Variants in NECTIN3 observed in about 807,000 individuals in gnomAD.
The protein encoded by NECTIN3 is nectin-3.
NECTIN3 carries 8 observed loss-of-function variants against 49.4 expected under a neutral mutation model. The observed-to-expected ratio is 0.16, with a 90% CI of 0.10 to 0.29. The LOEUF (loss-of-function observed/expected upper bound fraction) is 0.29, where lower values mean the gene tolerates loss of function less well. Ranked by LOEUF, NECTIN3 falls within the 10% of genes least tolerant of loss-of-function variation. NECTIN3 has a pLI of 1.00. For synonymous variants in NECTIN3, 277 were observed against 241.1 expected (o/e 1.15, Z -1.38); for missense variants, 581 against 654.6 (o/e 0.89, Z 1.23).
At chr3:111,083,939 C>T (rs1329742500) in intron 1 of NECTIN3, among the ~76,000 whole-genome samples, 1 of 152,098 alleles carries the variant, frequency 6.6e-6, no homozygotes, top group Non-Finnish European at 1.5e-5. Context: ...ATATATTGTC[C>T]ACAAGTGTCC....
intron 3 of NECTIN3, among the ~76,000 whole-genome samples, chr3:111,121,076 C>G (rs1441467596): frequency 6.8e-6 from 1 of 147,886 alleles, no homozygotes; most frequent in Non-Finnish European, 1.5e-5. Flanking sequence ...GAACTAGGCT[C>G]ACTGCAAGCT....
At chr3:111,128,138 G>C (rs1269427430) in intron 5 of NECTIN3, among the ~76,000 whole-genome samples, 1 of 151,966 alleles carries the variant, frequency 6.6e-6, no homozygotes, top group Non-Finnish European at 1.5e-5. Context: ...AGGAGCTTGA[G>C]ATCAGCCTGG....
At chr3:111,083,688 C>T (rs903602992) in intron 1 of NECTIN3, among the ~76,000 whole-genome samples, 60 of 152,062 alleles carry the variant, frequency 3.9e-4, no homozygotes, top group Non-Finnish European at 6.5e-4. Flanking sequence ...GAAACTTGAC[C>T]CCGTGGTTAA....
At chr3:111,141,043 C>T (rs2034732482), downstream of NECTIN3, among the ~76,000 whole-genome samples, 1 of 151,884 alleles carries the variant, frequency 6.6e-6, no homozygotes, top group South Asian at 2.1e-4. Flanking sequence ...GCACTTAGCA[C>T]AAGGCCTGAC....
chr3:111,100,748 A>G (rs1249766281), intron 1 of NECTIN3, among the ~76,000 whole-genome samples: 1 of 152,060 alleles, frequency 6.6e-6, no homozygotes, highest in African/African-American at 2.4e-5. Flanking sequence ...TTTTAAAAAT[A>G]ATTCATTAGT....
At chr3:111,090,929 A>AGTGT (rs112171056) in intron 1 of NECTIN3, among the ~76,000 whole-genome samples, 4 of 140,134 alleles carry the variant, frequency 2.9e-5, no homozygotes, top group African/African-American at 7.9e-5. Flanking sequence ...CATTAGTGCT[A>AGTGT]GTGTGTGTGT....
At chr3:111,126,826 C>G (rs2034180784) in intron 5 of NECTIN3, among the ~76,000 whole-genome samples, 1 of 152,092 alleles carries the variant, frequency 6.6e-6, no homozygotes, top group African/African-American at 2.4e-5. Flanking sequence ...AATAGGAATG[C>G]TACTGAAAAT....
chr3:111,174,815 C>T (rs2035496822), intron 7 of NECTIN3, among the ~76,000 whole-genome samples: 1 of 152,120 alleles, frequency 6.6e-6, no homozygotes, highest in Non-Finnish European at 1.5e-5. Context: ...GCCCTGCTGT[C>T]TGTAGACGGC....
At chr3:111,109,535 G>A (rs77152658) in intron 1 of NECTIN3, among the ~76,000 whole-genome samples, 4,043 of 151,416 alleles carry the variant, frequency 0.027, 127 homozygotes, top group African/African-American at 0.078. Context: ...TTTTCTTTCA[G>A]TGTTTAGTAT....
At chr3:111,115,895 G>A (rs1287689630) in intron 2 of NECTIN3, among the ~76,000 whole-genome samples, 1 of 152,136 alleles carries the variant, frequency 6.6e-6, no homozygotes, top group East Asian at 1.9e-4. Context: ...TTGAAAGTTT[G>A]TGATTAAATT....
chr3:111,170,482 C>T (rs749236270), intron 7 of NECTIN3, among the ~76,000 whole-genome samples: 3 of 152,108 alleles, frequency 2.0e-5, no homozygotes, highest in Non-Finnish European at 2.9e-5. Context: ...TATTAAAGCA[C>T]AGTGAGGCAA....
intron 7 of NECTIN3, among the ~76,000 whole-genome samples, chr3:111,163,036 G>T (rs986345455): frequency 6.6e-6 from 1 of 152,106 alleles, no homozygotes; most frequent in African/African-American, 2.4e-5. Context: ...GAGAAGCCCT[G>T]GGCAGCTTAG....
At chr3:111,162,984 A>G (rs1324636593) in intron 7 of NECTIN3, among the ~76,000 whole-genome samples, 4 of 152,254 alleles carry the variant, frequency 2.6e-5, no homozygotes, top group South Asian at 2.1e-4. Flanking sequence ...CAGCCATTCT[A>G]TTACTCTCTC....
intron 1 of NECTIN3, among the ~76,000 whole-genome samples, chr3:111,100,265 T>C (rs764111810): frequency 1.3e-5 from 2 of 152,132 alleles, no homozygotes; most frequent in Non-Finnish European, 2.9e-5. Context: ...GATTTTTGTC[T>C]TTAAAGCGCC....
intron 7 of NECTIN3, among the ~76,000 whole-genome samples, chr3:111,159,727 AC>A (rs2035171778): frequency 6.6e-6 from 1 of 152,156 alleles, no homozygotes; most frequent in Non-Finnish European, 1.5e-5. Flanking sequence ...CAATTTTACT[AC>A]CTCACAAGAC....
rs111728131 is a variant in NECTIN3 at position 111,184,630 on chromosome 3, A to G, written c.1222-7721A>G. On this transcript the variant is annotated intron_variant, in intron 7 of 8. Coordinates refer to the NECTIN3 transcript ENST00000493615. ...ATAGCAACACAAAACAGACTAAGAC[A>G]TGTTATTTCTGGTTTAGTTTCTATA... Among the ~76,000 whole-genome samples, 671 of 152,232 alleles carry G rather than the reference A, an allele frequency of 4.4e-3. 7 individuals carry two copies. The highest frequency in any genetic ancestry group is 0.015 in the African/African-American group (631 of 41,536).
At position 111,149,718 on chromosome 3, in the gene NECTIN3, T is replaced by A. The variant is rs9288920; in HGVS notation, c.1221+2234T>A. Among the ~76,000 whole-genome samples, 140 of 151,998 alleles carry A rather than the reference T, an allele frequency of 9.2e-4. 1 individual carries two copies. The highest frequency in any genetic ancestry group is 3.0e-3 in the African/African-American group (125 of 41,472). ...ATTCTAATGCTTTCTCATTTTATTT[T>A]TTTTTTTACATTTCTTAGGAATATA... On this transcript the variant is annotated intron_variant, in intron 7 of 8. Coordinates refer to the NECTIN3 transcript ENST00000493615.
chr3:111,119,452 C>T (rs1481262314), intron 3 of NECTIN3, among the ~76,000 whole-genome samples: 1 of 152,192 alleles, frequency 6.6e-6, no homozygotes, highest in Non-Finnish European at 1.5e-5. Flanking sequence ...CTGCCTCAGC[C>T]TCCCAAGTAG....
At chr3:111,119,417 C>T (rs540848365) in intron 3 of NECTIN3, among the ~76,000 whole-genome samples, 3 of 152,260 alleles carry the variant, frequency 2.0e-5, no homozygotes, top group Admixed American at 6.5e-5. Flanking sequence ...CTGCAACTTC[C>T]GCCTCCCGGG....
Sources: allele counts gnomAD v4.1 joint callset (sites outside exome capture counted in the v4.1 genomes callset), GRCh38; gene constraint gnomAD v4.1.1; transcripts MANE v1.5; gene names NCBI Gene and HGNC (gene_info 2026-07-23, HGNC 2026-07-21).